CPN2: variants seen among roughly 807,000 people sequenced by gnomAD.
CPN2 encodes the protein carboxypeptidase N subunit 2.
For synonymous variants in CPN2, 336 were observed against 318.4 expected (o/e 1.06, Z -0.59); for missense variants, 620 against 671.4 (o/e 0.92, Z 0.85).
rs767140379 is a variant in CPN2, at chr3:194,342,004, G to T, written c.699C>A (p.Pro233=). The T allele has an allele frequency of 6.2e-7, 1 of 1,614,174 alleles. No homozygotes were observed. The highest frequency in any genetic ancestry group is 8.5e-7 in the Non-Finnish European group (1 of 1,180,038). Residue 233 remains proline, a synonymous_variant, in exon 2 of 2, where the codon CCC becomes CCA. Coordinates refer to ENST00000323830, the MANE Select transcript of CPN2 (RefSeq NM_001080513.4). ...AGAAGAGCTGGGAGAACACCTGAGG[G>T]GGCAGCTCCGAGATGTTGTTGCTGT... is the stretch of plus-strand genomic sequence containing the variant. ...FLDSNNISEL[P]PQVFSQLFCL...
At chr3:194,349,217 T>C (rs1252618638) in intron 1 of CPN2, among the ~76,000 whole-genome samples, 7 of 152,084 alleles carry the variant, frequency 4.6e-5, no homozygotes, top group Admixed American at 3.9e-4. Flanking sequence ...AAAAATTAGC[T>C]GGGCGTGGTG....
At chr3:194,346,708 C>T (rs891774937) in intron 1 of CPN2, among the ~76,000 whole-genome samples, 2 of 152,210 alleles carry the variant, frequency 1.3e-5, no homozygotes, top group South Asian at 2.1e-4. Flanking sequence ...AATGAGAAAA[C>T]GCATGGAAAG....
Position 194,340,747 on chromosome 3 carries a change from TTG to T in CPN2, c.*316_*317del. 2 of 311,234 alleles carry T rather than the reference TTG, an allele frequency of 6.4e-6. No individual in the cohort carries two copies. The highest frequency in any genetic ancestry group is 8.6e-5 in the South Asian group (1 of 11,666). 19.3% of individuals were successfully genotyped at this position (311,234 alleles called of 1,614,324 possible). On this transcript the variant is annotated 3_prime_UTR_variant, in exon 2 of 2. Transcript: ENST00000323830. ...GACCTCAGGGTGTAGGTGAGAGCGGTTGGGTGTTACATAATGGGGAGGCATCA... is the reference window on the plus strand; with the variant it reads ...GACCTCAGGGTGTAGGTGAGAGCGGTGGTGTTACATAATGGGGAGGCATCA...
chr3:194,346,656 G>T (rs1199281059), intron 1 of CPN2, among the ~76,000 whole-genome samples: 1 of 152,186 alleles, frequency 6.6e-6, no homozygotes, highest in Admixed American at 6.5e-5. Context: ...TCCAAACAAT[G>T]AGCACACTAC....
In CPN2 at chr3:194,341,343, A is replaced by G. The variant is rs780367605; in HGVS notation, c.1360T>C (p.Phe454Leu). The G allele has an allele frequency of 6.2e-7, 1 of 1,613,930 alleles. No individual in the cohort carries two copies. Among genetic ancestry groups the G allele is most frequent in the Non-Finnish European group, 8.5e-7 (1 of 1,180,030 alleles). The change falls in exon 2 of 2, where the codon TTC becomes CTC. Residue 454 changes from phenylalanine (F) to leucine (L), a missense_variant. Transcript: ENST00000323830. The stretch of plus-strand genomic sequence containing the variant: ...CTTTCGTCCGGCCACGTGACCTGGA[A>G]GCCCAAGTGGTCCCGGGTGACGGGA... ...VCPVTRDHLGFQVTWPDESKA... is the reference protein window; with the variant it reads ...VCPVTRDHLGLQVTWPDESKA...
At chr3:194,349,256 G>T (rs1054711046) in intron 1 of CPN2, among the ~76,000 whole-genome samples, 1 of 152,192 alleles carries the variant, frequency 6.6e-6, no homozygotes. Flanking sequence ...AGCTACTCGG[G>T]AGGCTGAGGC....
At position 194,340,702 on chromosome 3, in the gene CPN2, T is replaced by C. The variant is rs1274427224; in HGVS notation, c.*363A>G. ...AGAAGGCAGTGGCCTCCACTTTGTA[T>C]CACTGGGATGCAGTGAATAGACCTC... On this transcript the variant is annotated 3_prime_UTR_variant, in exon 2 of 2. Coordinates refer to ENST00000323830, the MANE Select transcript of CPN2 (RefSeq NM_001080513.4). The C allele has an allele frequency of 1.5e-5, 3 of 205,496 alleles. No homozygotes were observed. Among genetic ancestry groups the C allele is most frequent in the Admixed American group, 1.1e-4 (2 of 18,736 alleles). The allele number at this position is 205,496 out of a possible 1,614,324, so 12.7% of individuals were successfully genotyped here.
At chr3:194,346,251 G>A (rs1184978392) in intron 1 of CPN2, among the ~76,000 whole-genome samples, 1 of 152,238 alleles carries the variant, frequency 6.6e-6, no homozygotes, top group Non-Finnish European at 1.5e-5. Flanking sequence ...GATGGACCCG[G>A]GGAGGCAGCC....
chr3:194,341,820 A>C lies in CPN2; in HGVS notation c.883T>G (p.Ser295Ala). The C allele has an allele frequency of 6.2e-7, 1 of 1,613,928 alleles. No individual in the cohort carries two copies. Among genetic ancestry groups the C allele is most frequent in the African/African-American group, 1.3e-5 (1 of 75,032 alleles). ...GTCTCCAGCTGGTTATGGGTCAGAG[A>C]CAGGCCAACCAGGCACGGGGTGTGG... ...FAHTPCLVGL[S>A]LTHNQLETVA... The change falls in exon 2 of 2, where the codon TCT becomes GCT. Residue 295 changes from serine (S) to alanine (A), a missense_variant. By Grantham distance (99) the Ser-to-Ala change is moderately conservative. Coordinates refer to ENST00000323830, the MANE Select transcript of CPN2 (RefSeq NM_001080513.4).
Position 194,342,384 on chromosome 3 carries a change from T to A in CPN2, c.319A>T (p.Ser107Cys), listed in dbSNP as rs944058386. Reference sequence around the variant, plus strand: ...TTGGTGCTGAGGTTCAAGAAGCTACTGCCTGTGACCTCCAGGTCCTCCAGC... The same window carrying A: ...TTGGTGCTGAGGTTCAAGAAGCTACAGCCTGTGACCTCCAGGTCCTCCAGC... Reference protein sequence around the residue: ...PRLEDLEVTGSSFLNLSTNIF... With the variant: ...PRLEDLEVTGCSFLNLSTNIF... The change falls in exon 2 of 2, where the codon AGT becomes TGT. Residue 107 changes from serine (S) to cysteine (C), a missense_variant. Transcript: ENST00000323830. 6.2e-7 allele frequency: 1 copy of A among 1,614,222 alleles called. No homozygotes were observed. Among genetic ancestry groups the A allele is most frequent in the Admixed American group, 1.7e-5 (1 of 60,020 alleles).
At chr3:194,344,286 T>C (rs1712972809) in intron 1 of CPN2, among the ~76,000 whole-genome samples, 2 of 152,236 alleles carry the variant, frequency 1.3e-5, no homozygotes, top group Admixed American at 1.3e-4. Flanking sequence ...GGACAACTTC[T>C]CCCTGAGAAA....
At chr3:194,349,677 C>T (rs1188930121) in intron 1 of CPN2, among the ~76,000 whole-genome samples, 2 of 150,932 alleles carry the variant, frequency 1.3e-5, no homozygotes, top group African/African-American at 4.9e-5. Flanking sequence ...ACTAAGAGGC[C>T]GTTGTGAACT....
At chr3:194,344,221 GTCAC>G (rs1392279430) in intron 1 of CPN2, among the ~76,000 whole-genome samples, 1 of 152,216 alleles carries the variant, frequency 6.6e-6, no homozygotes, top group African/African-American at 2.4e-5. Flanking sequence ...CTCCCGCTCA[GTCAC>G]TCAGTGACTC....
chr3:194,343,151 A>T (rs1712928701), intron 1 of CPN2, among the ~76,000 whole-genome samples: 1 of 152,006 alleles, frequency 6.6e-6, no homozygotes, highest in Admixed American at 6.6e-5. Context: ...TGCTGCTGAA[A>T]TGCCCTCCTC....
intron 1 of CPN2, among the ~76,000 whole-genome samples, chr3:194,348,769 G>A (rs772734193): frequency 6.6e-6 from 1 of 152,140 alleles, no homozygotes; most frequent in African/African-American, 2.4e-5. Context: ...GTGCATGCTT[G>A]TAGTCTCAAC....
At position 194,340,890 on chromosome 3, in the gene CPN2, G is replaced by T; in HGVS notation, c.*175C>A. 1.0e-6 allele frequency: 1 copy of T among 984,760 alleles called. No homozygotes were observed. Among genetic ancestry groups the T allele is most frequent in the Non-Finnish European group, 1.4e-6 (1 of 695,606 alleles). The allele number at this position is 984,760 out of a possible 1,614,324, so 61.0% of individuals were successfully genotyped here. On this transcript the variant is annotated 3_prime_UTR_variant, in exon 2 of 2. Coordinates refer to ENST00000323830, the MANE Select transcript of CPN2 (RefSeq NM_001080513.4). ...CAGGAGAAGCGATGAAGGAAGAGGA[G>T]GAGGAGACCCTGGTTAGTGGAGCAG... is the stretch of plus-strand genomic sequence containing the variant.
At position 194,341,958 on chromosome 3, in the gene CPN2, G is replaced by A; in HGVS notation, c.745C>T (p.Gln249Ter). 1 of 1,613,830 alleles carries A rather than the reference G, an allele frequency of 6.2e-7. No homozygotes were observed. Among genetic ancestry groups the A allele is most frequent in the Non-Finnish European group, 8.5e-7 (1 of 1,180,002 alleles). The change falls in exon 2 of 2, where the codon CAA becomes TAA. Residue 249 changes from glutamine to a stop codon, truncating the protein, a stop_gained. Coordinates refer to ENST00000323830, the MANE Select transcript of CPN2 (RefSeq NM_001080513.4). LOFTEE classifies it low-confidence loss of function (END_TRUNC). Reference protein sequence around the residue: ...QLFCLERLWLQRNAITHLPLS... With the variant: ...QLFCLERLWL The stretch of plus-strand genomic sequence containing the variant: ...GGCAGGTGCGTGATGGCGTTGCGTT[G>A]CAGCCACAGCCTCTCTAGGCAGAAG...
rs143748840 is a variant in CPN2 at position 194,342,149 on chromosome 3, G to A, written c.554C>T (p.Pro185Leu). ...NLAQNLLAQLPEELFHPLTSL... is the reference protein window; with the variant it reads ...NLAQNLLAQLLEELFHPLTSL... Reference sequence around the variant, plus strand: ...GGTGAGTGGGTGGAACAGCTCCTCCGGGAGCTGGGCCAGGAGGTTCTGGGC... The same window carrying A: ...GGTGAGTGGGTGGAACAGCTCCTCCAGGAGCTGGGCCAGGAGGTTCTGGGC... The change falls in exon 2 of 2, where the codon CCG (proline) becomes CTG (leucine). Residue 185 changes from proline (P) to leucine (L), a missense_variant. By Grantham distance (98) the Pro-to-Leu change is moderately conservative (BLOSUM62 -3). Transcript: ENST00000323830. The A allele has an allele frequency of 9.6e-5, 155 of 1,613,954 alleles. No homozygotes were observed. Among genetic ancestry groups the A allele is most frequent in the Non-Finnish European group, 1.2e-4 (139 of 1,179,980 alleles).
chr3:194,341,293 C>G lies in CPN2; in HGVS notation c.1410G>C (p.Leu470=), dbSNP rs1401790557. 6.2e-6 allele frequency: 10 copies of G among 1,613,460 alleles called. No homozygotes were observed. The Admixed American group carries it at 1.7e-4, about 27-fold the overall frequency. The change falls in exon 2 of 2, where the codon CTG becomes CTC. Residue 470 remains leucine, a synonymous_variant. Transcript: ENST00000323830. ...TCCGGGCTGCCCTTTCCTGCACAGC[C>G]AGATCCCAGCTGCCCCCTGCCTTGC... The part of the protein sequence containing the change: ...DESKAGGSWD[L]AVQERAARSQ...
Sources: gnomAD v4.1 joint callset for allele counts (sites outside exome capture counted in the v4.1 genomes callset) on GRCh38, gnomAD v4.1.1 for gene constraint, MANE v1.5 for transcripts, NCBI Gene and HGNC (gene_info 2026-07-23, HGNC 2026-07-21) for gene names.